Variants in UHRF1 observed in about 807,000 individuals in gnomAD.
The protein encoded by UHRF1 is E3 ubiquitin-protein ligase UHRF1.
A neutral mutation model predicts 96.5 loss-of-function variants in UHRF1; 9 were observed. The observed-to-expected ratio is 0.09, with a 90% CI of 0.06 to 0.16. UHRF1 has a LOEUF of 0.16. Ranked by LOEUF, UHRF1 falls within the 10% of genes least tolerant of loss-of-function variation. The pLI, the probability that UHRF1 is intolerant of heterozygous loss-of-function variation, is 1.00. For missense variants in UHRF1, 626 were observed against 1,131.1 expected (o/e 0.55, Z 6.40); for synonymous variants, 455 against 469.9 (o/e 0.97, Z 0.41).
intron 1 of UHRF1, 163 bp downstream of exon 1, chr19:4,909,818 C>A: frequency 2.3e-6 from 1 of 427,780 alleles, no homozygotes; most frequent in Admixed American, 4.5e-5. Flanking sequence ...GAATCGTTCC[C>A]CGGCACACAT....
At chr19:4,952,875 G>A (rs1462126686) in intron 13 of UHRF1, among the ~76,000 whole-genome samples, 1 of 152,112 alleles carries the variant, frequency 6.6e-6, no homozygotes, top group Non-Finnish European at 1.5e-5. Context: ...CTAAGGCCCT[G>A]GGGTCAGGTG....
chr19:4,958,028 C>A (rs1440144136), intron 16 of UHRF1, among the ~76,000 whole-genome samples: 1 of 152,238 alleles, frequency 6.6e-6, no homozygotes, highest in Non-Finnish European at 1.5e-5. Flanking sequence ...GGGCCACACC[C>A]CCGGGTCTCA....
rs182003377 is a variant in UHRF1 at position 4,954,288 on chromosome 19, C to G, written c.1819-62C>G. The G allele has an allele frequency of 0.015, 23,122 of 1,576,712 alleles. 221 individuals carry two copies. The highest frequency in any genetic ancestry group is 0.018 in the Non-Finnish European group (20,394 of 1,161,668). ...AGACCTGGCAAGGAGGCTGGAAGAG[C>G]GGGCTCTGCATAGCGTGTGGGCCCC... On this transcript the variant is annotated intron_variant, in intron 13 of 16. Coordinates refer to ENST00000650932, the MANE Select transcript of UHRF1 (RefSeq NM_001048201.3). The surrounding 1 kb of genome is among the most constrained non-coding windows in gnomAD (Gnocchi z 5.9).
Position 4,950,036 on chromosome 19 carries a change from A to ATT in UHRF1, c.1518-561_1518-560dup, listed in dbSNP as rs35941264. ...TAGGTGCATGTTACCACGCCTGGCT[A>ATT]TTTTTTTTTTTTTTTGTGGAGATGG... On this transcript the variant is annotated intron_variant, in intron 11 of 16. Coordinates refer to ENST00000650932, the MANE Select transcript of UHRF1 (RefSeq NM_001048201.3). Among the ~76,000 whole-genome samples the ATT allele has an allele frequency of 3.9e-4, 53 of 136,362 alleles. 1 individual carries two copies. The highest frequency in any genetic ancestry group is 6.6e-4 in the East Asian group (3 of 4,578). The allele number at this position is 136,362 out of a possible 152,430, so 89.5% of individuals were successfully genotyped here.
At chr19:4,905,278 G>A (rs28397023), upstream of UHRF1, among the ~76,000 whole-genome samples, 4,195 of 150,174 alleles carry the variant, frequency 0.028, 191 homozygotes, top group African/African-American at 0.097. Flanking sequence ...CACCATGCCC[G>A]GCTAATTTTT....
chr19:4,928,871 A>C (rs1043552250), intron 2 of UHRF1, among the ~76,000 whole-genome samples: 1 of 152,200 alleles, frequency 6.6e-6, no homozygotes, highest in Non-Finnish European at 1.5e-5. Flanking sequence ...GAGGTGACAC[A>C]TGTTCACTGT....
chr19:4,941,706 C>T (rs377463918), intron 6 of UHRF1, 39 bp from the exon 7 acceptor site: 148 of 1,555,938 alleles, frequency 9.5e-5, no homozygotes, highest in East Asian at 1.7e-4. Context: ...CTGGCTTGGC[C>T]GGGCCCCGCC....
In UHRF1 at chr19:4,954,821, C is replaced by T. The variant is rs758518832; in HGVS notation, c.2129C>T (p.Pro710Leu). The T allele has an allele frequency of 3.7e-6, 6 of 1,613,574 alleles. No homozygotes were observed. Among genetic ancestry groups the T allele is most frequent in the African/African-American group, 1.3e-5 (1 of 75,038 alleles). ...AAGGACCGGCCGGCGAGCGGCAGCC[C>T]GGTAGGCTCGCACGGCTCACTCGTC... Reference protein sequence around the residue: ...SLKDRPASGSPFQLFLSKVEE... With the variant: ...SLKDRPASGSLFQLFLSKVEE... The change falls in exon 15 of 17, where the codon CCG becomes CTG. Residue 710 changes from proline (P) to leucine (L), a missense_variant and splice_region_variant. By Grantham distance (98) the Pro-to-Leu change is moderately conservative (BLOSUM62 -3). This residue lies in a region of UHRF1 where 84 missense variants were observed against 150.3 expected (regional missense o/e 0.56). Coordinates refer to ENST00000650932, the MANE Select transcript of UHRF1 (RefSeq NM_001048201.3). This position sits in a 1 kb window ranked among gnomAD's most constrained non-coding sequence, Gnocchi z 5.9.
At chr19:4,914,041 C>T (rs1187192627) in intron 2 of UHRF1, among the ~76,000 whole-genome samples, 1 of 151,986 alleles carries the variant, frequency 6.6e-6, no homozygotes, top group Non-Finnish European at 1.5e-5. Context: ...TCTCGAACTC[C>T]CGACCTCAGG....
intron 2 of UHRF1, among the ~76,000 whole-genome samples, chr19:4,916,832 C>T (rs981875102): frequency 6.6e-6 from 1 of 152,232 alleles, no homozygotes; most frequent in African/African-American, 2.4e-5. Context: ...CTTCCTTCCC[C>T]CCAGGTCCCG....
In UHRF1 at chr19:4,962,035, C is replaced by G. The variant is rs1182685743; in HGVS notation, c.*1232C>G. Reference sequence around the variant, plus strand: ...ATTTTTAAAGGGTTTTTTTCACCTCCTTATTCTTAGATTATTAATGTATTA... The same window carrying G: ...ATTTTTAAAGGGTTTTTTTCACCTCGTTATTCTTAGATTATTAATGTATTA... On this transcript the variant is annotated 3_prime_UTR_variant, in exon 17 of 17. Coordinates refer to ENST00000650932, the MANE Select transcript of UHRF1 (RefSeq NM_001048201.3). The G allele has an allele frequency of 6.6e-6, 1 of 152,038 alleles. No individual in the cohort carries two copies. The highest frequency in any genetic ancestry group is 1.5e-5 in the Non-Finnish European group (1 of 68,008). The allele number at this position is 152,038 out of a possible 1,614,324, so 9.4% of individuals were successfully genotyped here. A position where few individuals can be genotyped will look rare whatever the true frequency, so the allele number is the denominator to read the frequency against.
chr19:4,956,833 G>T lies in UHRF1; in HGVS notation c.2235+20G>T, dbSNP rs1286110362. 1 of 1,555,022 alleles carries T rather than the reference G, an allele frequency of 6.4e-7. No individual in the cohort carries two copies. The highest frequency in any genetic ancestry group is 8.8e-7 in the Non-Finnish European group (1 of 1,140,564). ...TGCAAGGTGAGTAGAGATGGCCGCG[G>T]GAGCCGGGTGGAAGGTTCTGGAAGG... On this transcript the variant is annotated intron_variant, in intron 16 of 16. Coordinates refer to ENST00000650932, the MANE Select transcript of UHRF1 (RefSeq NM_001048201.3).
At chr19:4,910,594 G>T (rs2032227631) in intron 1 of UHRF1, 2 of 332,338 alleles carry the variant, frequency 6.0e-6, no homozygotes. Flanking sequence ...TGGTCGTGGG[G>T]AAGGAGGGAT....
At chr19:4,903,866 T>C (rs1401612547) in intron 1 of UHRF1, among the ~76,000 whole-genome samples, 1 of 152,192 alleles carries the variant, frequency 6.6e-6, no homozygotes, top group East Asian at 1.9e-4. Flanking sequence ...GGAAAAAACA[T>C]AGAGATATGG....
intron 5 of UHRF1, among the ~76,000 whole-genome samples, 165 bp from the exon 6 acceptor site, chr19:4,941,363 G>A (rs2656916): frequency 0.47 from 71,268 of 151,664 alleles, 17,687 homozygotes; most frequent in East Asian, 0.67. Flanking sequence ...GAGCCACTGC[G>A]CCCTGTTCCG....
At chr19:4,928,601 C>T (rs770420303) in intron 2 of UHRF1, among the ~76,000 whole-genome samples, 11 of 152,208 alleles carry the variant, frequency 7.2e-5, no homozygotes, top group Non-Finnish European at 1.2e-4. Flanking sequence ...GCGAGATTGG[C>T]GCTGGAGCCT....
chr19:4,938,994 A>C (rs1023373522), intron 5 of UHRF1, among the ~76,000 whole-genome samples: 1 of 150,104 alleles, frequency 6.7e-6, no homozygotes, highest in Admixed American at 6.7e-5. Flanking sequence ...GTTCCCTGCA[A>C]CCTCCACCTC....
At chr19:4,937,651 A>C (rs1266824181) in intron 5 of UHRF1, among the ~76,000 whole-genome samples, 1 of 152,182 alleles carries the variant, frequency 6.6e-6, no homozygotes, top group Non-Finnish European at 1.5e-5. Flanking sequence ...GGCGTGAGCC[A>C]CTTCGCCCGG....
chr19:4,945,731 T>A, intron 9 of UHRF1, 130 bp from the exon 10 acceptor site: 1 of 668,626 alleles, frequency 1.5e-6, no homozygotes, highest in Non-Finnish European at 2.7e-6. Flanking sequence ...AGTAGGTGAC[T>A]CGCAGGCCTG....
Sources: gnomAD v4.1 joint callset for allele counts (sites outside exome capture counted in the v4.1 genomes callset) on GRCh38, gnomAD v4.1.1 for gene constraint, gnomAD v4.1.1 regional missense constraint, Gnocchi (gnomAD v3.1) non-coding constraint, MANE v1.5 for transcripts, NCBI Gene and HGNC (gene_info 2026-07-23, HGNC 2026-07-21) for gene names.